RRP15: variants seen among roughly 807,000 people sequenced by gnomAD.
RRP15 encodes the protein RRP15-like protein.
Under a neutral mutation model 27.1 loss-of-function variants are expected in RRP15, and 18 were observed. The observed-to-expected ratio is 0.66, with a 90% CI of 0.46 to 0.98. RRP15 has a LOEUF of 0.98. Among genes scored for constraint, RRP15 ranks in the 50% least tolerant of loss-of-function variants. RRP15 has a pLI of 0.00. For synonymous variants in RRP15, 107 were observed against 109.4 expected, an observed-to-expected ratio of 0.98 and a Z score of 0.14; for missense variants, 359 against 337.8, an observed-to-expected ratio of 1.06 and a Z score of -0.49.
intron 4 of RRP15, among the ~76,000 whole-genome samples, chr1:218,309,010 G>T (rs1031973714): frequency 2.0e-5 from 3 of 152,102 alleles, no homozygotes; most frequent in Non-Finnish European, 2.9e-5. Context: ...TTTGCTTTGG[G>T]ATTATTTCTT....
At chr1:218,303,462 C>T (rs1366944077) in intron 2 of RRP15, among the ~76,000 whole-genome samples, 1 of 152,192 alleles carries the variant, frequency 6.6e-6, no homozygotes. Context: ...CTTAGAAACA[C>T]AGCATACTCT....
At chr1:218,296,126 T>G (rs1448641290) in intron 1 of RRP15, among the ~76,000 whole-genome samples, 9 of 152,178 alleles carry the variant, frequency 5.9e-5, no homozygotes, top group Admixed American at 2.0e-4. Context: ...GAGGCTTAGA[T>G]AGAAATTTTT....
At chr1:218,293,249 T>C (rs936725751) in intron 1 of RRP15, among the ~76,000 whole-genome samples, 1 of 152,160 alleles carries the variant, frequency 6.6e-6, no homozygotes, top group African/African-American at 2.4e-5. Context: ...GATGGGACAA[T>C]TCTTCTTTGG....
At position 218,302,671 on chromosome 1, in the gene RRP15, G is replaced by T. The variant is rs558594565; in HGVS notation, c.405+112G>T. The T allele has an allele frequency of 1.5e-3, 2,220 of 1,472,238 alleles. 5 individuals are homozygous for T. Among genetic ancestry groups the T allele is most frequent in the Middle Eastern group, 2.6e-3 (10 of 3,910 alleles). 91.2% of individuals were successfully genotyped at this position (1,472,238 alleles called of 1,614,324 possible). A position where few individuals can be genotyped will look rare whatever the true frequency, so the allele number is the denominator to read the frequency against. ...CAATTAACGTTCCAGTTTTTAACTT[G>T]TTTTTTATGTGAAGGTGGATAACTA... On this transcript the variant is annotated intron_variant, in intron 2 of 4. Coordinates refer to ENST00000366932, the MANE Select transcript of RRP15 (RefSeq NM_016052.4).
intron 4 of RRP15, among the ~76,000 whole-genome samples, chr1:218,326,166 C>T (rs550552298): frequency 1.1e-4 from 17 of 152,094 alleles, no homozygotes; most frequent in African/African-American, 3.4e-4. Context: ...ATTAGCTGGG[C>T]GTGGTGGCAG....
chr1:218,290,814 T>C (rs907962178), intron 1 of RRP15, among the ~76,000 whole-genome samples: 4 of 152,088 alleles, frequency 2.6e-5, no homozygotes, highest in South Asian at 2.1e-4. Context: ...CCACTTGAAA[T>C]GGTTTTCAGA....
intron 1 of RRP15, among the ~76,000 whole-genome samples, chr1:218,287,776 T>A (rs1442485526): frequency 6.6e-6 from 1 of 152,196 alleles, no homozygotes; most frequent in Non-Finnish European, 1.5e-5. Context: ...AGAGATAAGT[T>A]CCCCAAATGT....
chr1:218,302,637 G>A, intron 2 of RRP15, 78 bp downstream of exon 2: 1 of 1,525,908 alleles, frequency 6.6e-7, no homozygotes, highest in Non-Finnish European at 8.8e-7. Flanking sequence ...GTTTCTTGCA[G>A]TGTTTGACCA....
rs550553159 is a variant in RRP15, at chr1:218,302,699, G to T, written c.405+140G>T. On this transcript the variant is annotated intron_variant, in intron 2 of 4. Coordinates refer to ENST00000366932, the MANE Select transcript of RRP15 (RefSeq NM_016052.4). Reference sequence around the variant, plus strand: ...TTTTATGTGAAGGTGGATAACTAAGGTTATGTTTAGGAATTTAGTCTAAAT... The same window carrying T: ...TTTTATGTGAAGGTGGATAACTAAGTTTATGTTTAGGAATTTAGTCTAAAT... The T allele has an allele frequency of 1.1e-5, 14 of 1,323,478 alleles. No individual in the cohort carries two copies. In the South Asian group the frequency reaches 2.0e-4, roughly 19 times the overall value. 82.0% of individuals were successfully genotyped at this position (1,323,478 alleles called of 1,614,324 possible).
At chr1:218,290,521 G>A (rs1655622592) in intron 1 of RRP15, among the ~76,000 whole-genome samples, 1 of 152,186 alleles carries the variant, frequency 6.6e-6, no homozygotes, top group Admixed American at 6.5e-5. Flanking sequence ...CTGCTGGAGT[G>A]CAGTGGTGCA....
At chr1:218,319,153 C>T (rs1249975886) in intron 4 of RRP15, among the ~76,000 whole-genome samples, 2 of 151,936 alleles carry the variant, frequency 1.3e-5, no homozygotes, top group Admixed American at 6.6e-5. Flanking sequence ...CAACCTCCAC[C>T]TCCCGGGTTC....
rs1247873973 is a variant in RRP15 at position 218,285,580 on chromosome 1, G to A, written c.139+125G>A. 7 of 1,236,770 alleles carry A rather than the reference G, an allele frequency of 5.7e-6. No homozygotes were observed. In the African/African-American group the frequency reaches 9.1e-5, roughly 16 times the overall value. The allele number at this position is 1,236,770 out of a possible 1,614,324, so 76.6% of individuals were successfully genotyped here. ...TTTTATCTTGGCACCACTTCAGAGG[G>A]GCGACTTTGGCTTAGTGAGGAGGCT... On this transcript the variant is annotated intron_variant, in intron 1 of 4. Transcript: ENST00000366932.
chr1:218,295,417 C>T (rs1298049696), intron 1 of RRP15, among the ~76,000 whole-genome samples: 1 of 152,146 alleles, frequency 6.6e-6, no homozygotes, highest in Non-Finnish European at 1.5e-5. Context: ...TAGAATGTGC[C>T]CATATGACTA....
intron 4 of RRP15, among the ~76,000 whole-genome samples, chr1:218,328,099 A>G (rs1476939252): frequency 6.6e-6 from 1 of 152,246 alleles, no homozygotes. Flanking sequence ...ATCACACTTT[A>G]AGAATCACTG....
Position 218,332,816 on chromosome 1 carries a change from A to G in RRP15, c.*1725A>G, listed in dbSNP as rs1477501190. On this transcript the variant is annotated 3_prime_UTR_variant, in exon 5 of 5. Transcript: ENST00000366932. ...ATACAGGAGAACTAAATATCCTGCT[A>G]TAACTTAATACAGATACATATTTCA... The G allele has an allele frequency of 1.3e-5, 2 of 151,950 alleles. No individual in the cohort carries two copies. The highest frequency in any genetic ancestry group is 2.1e-4 in the South Asian group (1 of 4,824). The allele number at this position is 151,950 out of a possible 1,614,324, so 9.4% of individuals were successfully genotyped here.
chr1:218,314,586 A>C (rs1656050840), intron 4 of RRP15, among the ~76,000 whole-genome samples: 4 of 152,152 alleles, frequency 2.6e-5, no homozygotes, highest in Admixed American at 2.6e-4. Flanking sequence ...GACTTTCTAC[A>C]AGGTTTTCAT....
Position 218,322,259 on chromosome 1 carries a change from G to A in RRP15, c.706-8689G>A, listed in dbSNP as rs138272084. Among the ~76,000 whole-genome samples the A allele has an allele frequency of 1.6e-3, 237 of 152,214 alleles. 1 individual carries two copies. Among genetic ancestry groups the A allele is most frequent in the Middle Eastern group, 0.014 (4 of 294 alleles). On this transcript the variant is annotated intron_variant, in intron 4 of 4. Coordinates refer to ENST00000366932, the MANE Select transcript of RRP15 (RefSeq NM_016052.4). ...CTCTGAGCCTTAGTTTTCTTATAAG[G>A]TAAGCATGATACTTGCTATCTGGCC...
At chr1:218,295,377 G>A (rs1299956260) in intron 1 of RRP15, among the ~76,000 whole-genome samples, 1 of 152,102 alleles carries the variant, frequency 6.6e-6, no homozygotes, top group Admixed American at 6.6e-5. Context: ...ATTGTTACTC[G>A]GGGCTGTGAT....
intron 1 of RRP15, among the ~76,000 whole-genome samples, chr1:218,293,868 A>T (rs1655680798): frequency 6.6e-6 from 1 of 152,112 alleles, no homozygotes; most frequent in African/African-American, 2.4e-5. Context: ...ATGGTGTAGT[A>T]CTTGATATCC....
Sources: allele counts gnomAD v4.1 joint callset (sites outside exome capture counted in the v4.1 genomes callset), GRCh38; gene constraint gnomAD v4.1.1; transcripts MANE v1.5; gene names NCBI Gene and HGNC (gene_info 2026-07-23, HGNC 2026-07-21).